The following EPHA2 variants were observed in gnomAD, a reference collection of about 807,000 sequenced individuals.
EPHA2 encodes ephrin type-A receptor 2.
EPHA2 carries 54 observed loss-of-function variants against 104.9 expected under a neutral mutation model. The observed-to-expected ratio is 0.51, with a 90% CI of 0.41 to 0.65. The LOEUF is 0.65. EPHA2 is among the 30% of genes least tolerant of loss of function. The pLI is 0.00. For missense variants in EPHA2, 1,117 were observed against 1,369.5 expected (o/e 0.82, Z 2.91); for synonymous variants, 560 against 559.1 (o/e 1.00, Z -0.02).
rs1310991165 is a variant in EPHA2 at position 16,134,433 on chromosome 1, G to A, written c.1682+35C>T. The A allele has an allele frequency of 6.2e-7, 1 of 1,607,070 alleles. No homozygotes were observed. Among genetic ancestry groups the A allele is most frequent in the Non-Finnish European group, 8.5e-7 (1 of 1,173,950 alleles). ...GTTCCTGCCCCATTTTCCCACCCAA[G>A]CCCATGTGGAGCCAGGGTATGGGCT... On this transcript the variant is annotated intron_variant, in intron 8 of 16. Transcript: ENST00000358432. The surrounding 1 kb of genome is among the most constrained non-coding windows in gnomAD (Gnocchi z 4.5).
chr1:16,134,287 C>T lies in EPHA2; in HGVS notation c.1682+181G>A, dbSNP rs2124210266. 6.6e-6 allele frequency among the ~76,000 whole-genome samples: 1 copy of T among 152,252 alleles called. No individual in the cohort carries two copies. On this transcript the variant is annotated intron_variant, in intron 8 of 16. Transcript: ENST00000358432. The surrounding 1 kb of genome is among the most constrained non-coding windows in gnomAD (Gnocchi z 4.5). ...GAGGTAATGACCCCCGTGTCCCGGC[C>T]CCGCCGCGTGCCAGGCACTTCGCTA...
At position 16,130,341 on chromosome 1, in the gene EPHA2, G is replaced by T; in HGVS notation, c.2554C>A (p.Gln852Lys). Reference protein sequence around the residue: ...CPSAIYQLMMQCWQQERARRP... With the variant: ...CPSAIYQLMMKCWQQERARRP... ...CGGGCACGCTCCTGCTGCCAGCACT[G>T]CATCATGAGCTGGTAGATGGCGGAG... The change falls in exon 15 of 17, where the codon CAG (glutamine) becomes AAG (lysine). Residue 852 changes from glutamine to lysine, a missense_variant. Coordinates refer to ENST00000358432, the MANE Select transcript of EPHA2 (RefSeq NM_004431.5). This position sits in a 1 kb window ranked among gnomAD's most constrained non-coding sequence, Gnocchi z 4.5. 1 of 1,591,846 alleles carries T rather than the reference G, an allele frequency of 6.3e-7. No individual in the cohort carries two copies. The highest frequency in any genetic ancestry group is 8.6e-7 in the Non-Finnish European group (1 of 1,163,934).
chr1:16,134,477 A>G lies in EPHA2; in HGVS notation c.1673T>C (p.Ile558Thr), dbSNP rs2124210978. 6.2e-7 allele frequency: 1 copy of G among 1,614,044 alleles called. No homozygotes were observed. Among genetic ancestry groups the G allele is most frequent in the Non-Finnish European group, 8.5e-7 (1 of 1,179,996 alleles). The change falls in exon 8 of 17, where the codon ATC becomes ACC. Residue 558 changes from isoleucine (I) to threonine (T), a missense_variant. By Grantham distance (89) the Ile-to-Thr change is moderately conservative (BLOSUM62 -1). Coordinates refer to ENST00000358432, the MANE Select transcript of EPHA2 (RefSeq NM_004431.5). The surrounding 1 kb of genome is among the most constrained non-coding windows in gnomAD (Gnocchi z 4.5). Reference sequence around the variant, plus strand: ...ATGGGCTCTGACGAACCTGCGGTGGATAAAGAAGCCAACTCCTGCCAGCAC... The same window carrying G: ...ATGGGCTCTGACGAACCTGCGGTGGGTAAAGAAGCCAACTCCTGCCAGCAC... ...LLVLAGVGFF[I>T]HRRRKNQRAR...
chr1:16,134,388 G>T lies in EPHA2; in HGVS notation c.1682+80C>A. ...CGACTAGCATCCTGTGGGCCCCATC[G>T]TTCAGATGAGGAAATGGAGGTTCCT... On this transcript the variant is annotated intron_variant, in intron 8 of 16. Coordinates refer to ENST00000358432, the MANE Select transcript of EPHA2 (RefSeq NM_004431.5). The surrounding 1 kb of genome is among the most constrained non-coding windows in gnomAD (Gnocchi z 4.5). 7.1e-7 allele frequency: 1 copy of T among 1,408,148 alleles called. No homozygotes were observed. Among genetic ancestry groups the T allele is most frequent in the Non-Finnish European group, 1.0e-6 (1 of 1,002,732 alleles). 87.2% of individuals were successfully genotyped at this position (1,408,148 alleles called of 1,614,324 possible). A position where few individuals can be genotyped will look rare whatever the true frequency, so the allele number is the denominator to read the frequency against.
chr1:16,129,360 C>CT (rs1478793925), intron 16 of EPHA2, 74 bp downstream of exon 16: 2 of 1,530,040 alleles, frequency 1.3e-6, no homozygotes, highest in African/African-American at 2.8e-5. Flanking sequence ...GGGAAGAGGG[C>CT]TGGGGGGGGC....
In EPHA2 at chr1:16,135,573, G is replaced by A. The variant is rs1050167283; in HGVS notation, c.1428+82C>T. ...GAAGGGTGCTTCTTCAGATGGCTGG[G>A]TGGTTTGGTGATCATCTATGTGACC... is the stretch of plus-strand genomic sequence containing the variant. On this transcript the variant is annotated intron_variant, in intron 6 of 16. Transcript: ENST00000358432. The surrounding 1 kb of genome is among the most constrained non-coding windows in gnomAD (Gnocchi z 4.3). The A allele has an allele frequency of 7.5e-7, 1 of 1,334,786 alleles. No homozygotes were observed. Among genetic ancestry groups the A allele is most frequent in the Non-Finnish European group, 1.1e-6 (1 of 926,836 alleles). 82.7% of individuals were successfully genotyped at this position (1,334,786 alleles called of 1,614,324 possible).
chr1:16,132,011 C>A, intron 13 of EPHA2, 53 bp downstream of exon 13: 4 of 1,613,164 alleles, frequency 2.5e-6, no homozygotes, highest in Non-Finnish European at 3.4e-6. Context: ...GGTGAGAGGA[C>A]ACCATGCAGG....
Position 16,125,388 on chromosome 1 carries a change from G to GGGGGGGGGGGGGGGGGGGGGGGGC in EPHA2, c.2826-69_2826-68insGCCCCCCCCCCCCCCCCCCCCCCC. On this transcript the variant is annotated intron_variant, in intron 16 of 16. Transcript: ENST00000358432. This position sits in a 1 kb window ranked among gnomAD's most constrained non-coding sequence, Gnocchi z 4.9. ...AGGGGAGGGGGCCGGGCTGGGTGGG[G>GGGGGGGGGGGGGGGGGGGGGGGGC]ACAGGACTCGGTGGGCGGCTGGGGA... 2.7e-6 allele frequency: 1 copy of GGGGGGGGGGGGGGGGGGGGGGGGC among 376,142 alleles called. No individual in the cohort carries two copies. Among genetic ancestry groups the GGGGGGGGGGGGGGGGGGGGGGGGC allele is most frequent in the East Asian group, 7.7e-5 (1 of 12,984 alleles). 23.3% of individuals were successfully genotyped at this position (376,142 alleles called of 1,614,324 possible).
rs1488487000 is a variant in EPHA2 at position 16,153,033 on chromosome 1, AG to A, written c.86-2071del. 3 of 743,282 alleles carry A rather than the reference AG, an allele frequency of 4.0e-6. No homozygotes were observed. The African/African-American group carries it at 5.7e-5, about 14-fold the overall frequency. 46.0% of individuals were successfully genotyped at this position (743,282 alleles called of 1,614,324 possible). A position where few individuals can be genotyped will look rare whatever the true frequency, so the allele number is the denominator to read the frequency against. ...TCTCTGGAAAGGGTGGGAGCCTGGGAGCCCCTCGGCTGACCCAGACGGCTTC... is the reference window on the plus strand; with the variant it reads ...TCTCTGGAAAGGGTGGGAGCCTGGGACCCCTCGGCTGACCCAGACGGCTTC... On this transcript the variant is annotated intron_variant, in intron 1 of 16. Coordinates refer to ENST00000358432, the MANE Select transcript of EPHA2 (RefSeq NM_004431.5).
chr1:16,129,645 C>G, intron 15 of EPHA2, 56 bp from the exon 16 acceptor site: 1 of 1,553,440 alleles, frequency 6.4e-7, no homozygotes, highest in East Asian at 2.3e-5. Context: ...ACCCTGGGCC[C>G]TGCACCTGCT....
In EPHA2 at chr1:16,148,476, T is replaced by C. The variant is rs568771755; in HGVS notation, c.725A>G (p.Glu242Gly). The change falls in exon 3 of 17, where the codon GAG becomes GGG. Residue 242 changes from glutamate (E) to glycine (G), a missense_variant. Around this residue, in one of 3 missense-constraint regions of EPHA2, gnomAD observed 664 missense variants for 784.8 expected, o/e 0.85. Coordinates refer to ENST00000358432, the MANE Select transcript of EPHA2 (RefSeq NM_004431.5). The surrounding 1 kb of genome is among the most constrained non-coding windows in gnomAD (Gnocchi z 4.9). The stretch of plus-strand genomic sequence containing the variant: ...ATCCACTGCACAGTGCATACGGGGC[T>C]CTTCACCCCCCGGTGGCACCACGGC... ...DHAVVPPGGE[E>G]PRMHCAVDGE... is the part of the protein sequence containing the mutation. 3 of 1,613,756 alleles carry C rather than the reference T, an allele frequency of 1.9e-6. No individual in the cohort carries two copies. In the African/African-American group the frequency reaches 4.0e-5, roughly 22 times the overall value.
At chr1:16,146,567 T>G (rs1239555714) in intron 3 of EPHA2, 1 of 152,342 alleles carries the variant, frequency 6.6e-6, no homozygotes, top group Admixed American at 6.5e-5. Flanking sequence ...ACTGAGAGTA[T>G]GCATTCGAGG....
In EPHA2 at chr1:16,130,476, A is replaced by C. The variant is rs777239011; in HGVS notation, c.2476-57T>G. ...GCAGAAAGCCACTGAAACCCTCTGC[A>C]GCCTCCAGCCTATGGAGGTGGGCAG... is the stretch of plus-strand genomic sequence containing the variant. On this transcript the variant is annotated intron_variant, in intron 14 of 16. Transcript: ENST00000358432. The surrounding 1 kb of genome is among the most constrained non-coding windows in gnomAD (Gnocchi z 4.5). 2.3e-4 allele frequency: 345 copies of C among 1,492,584 alleles called. No individual in the cohort carries two copies. Among genetic ancestry groups the C allele is most frequent in the Middle Eastern group, 1.5e-3 (6 of 4,002 alleles). The allele number at this position is 1,492,584 out of a possible 1,614,324, so 92.5% of individuals were successfully genotyped here.
At position 16,135,155 on chromosome 1, in the gene EPHA2, T is replaced by C. The variant is rs760824597; in HGVS notation, c.1463A>G (p.Glu488Gly). 6.2e-7 allele frequency: 1 copy of C among 1,613,918 alleles called. No individual in the cohort carries two copies. Among genetic ancestry groups the C allele is most frequent in the South Asian group, 1.1e-5 (1 of 91,080 alleles). The change falls in exon 7 of 17, where the codon GAG (glutamate) becomes GGG (glycine). Residue 488 changes from glutamate (E) to glycine (G), a missense_variant. Around this residue, in one of 3 missense-constraint regions of EPHA2, gnomAD observed 664 missense variants for 784.8 expected, o/e 0.85. Transcript: ENST00000358432. The surrounding 1 kb of genome is among the most constrained non-coding windows in gnomAD (Gnocchi z 4.3). The stretch of plus-strand genomic sequence containing the variant: ...GTCGTCCAGGGTCACGGAGAAACCC[T>C]CGGTGCGGCGCACATTGTAGCTGTT... ...DSNSYNVRRT[E>G]GFSVTLDDLA...
intron 3 of EPHA2, among the ~76,000 whole-genome samples, chr1:16,143,774 G>A (rs1268863689): frequency 6.6e-6 from 1 of 152,164 alleles, no homozygotes; most frequent in East Asian, 1.9e-4. Context: ...AACCACCTTG[G>A]CCCAGGGATG....
In EPHA2 at chr1:16,137,779, C is replaced by A. The variant is rs373465468; in HGVS notation, c.1312+74G>T. 5.5e-5 allele frequency: 86 copies of A among 1,569,190 alleles called. No individual in the cohort carries two copies. In the South Asian group the frequency reaches 8.9e-4, roughly 16 times the overall value. On this transcript the variant is annotated intron_variant, in intron 5 of 16. Transcript: ENST00000358432. ...CTGCCTCTCTCTAAACACACCCGAG[C>A]CCCAGATGGCCGTCCTCCTTAAGCC...
Position 16,129,364 on chromosome 1 carries a change from G to C in EPHA2, c.2825+70C>G, listed in dbSNP as rs115050365. On this transcript the variant is annotated intron_variant, in intron 16 of 16. Coordinates refer to ENST00000358432, the MANE Select transcript of EPHA2 (RefSeq NM_004431.5). ...ATTGAGGGGCAGGGAAGAGGGCTGG[G>C]GGGGGCATGGAGGCAGCCTCTGGAG... The C allele has an allele frequency of 1.4e-4, 211 of 1,557,970 alleles. No individual in the cohort carries two copies. The Admixed American group carries it at 2.8e-3, about 21-fold the overall frequency.
In EPHA2 at chr1:16,135,675, C is replaced by T. The variant is rs745943908; in HGVS notation, c.1408G>A (p.Glu470Lys). ...PPQQSRVWKY[E>K]VTYRKKGDSN... ...GTTACCTTCTTGCGGTAAGTGACCT[C>T]GTACTTCCACACTCGGCTCTGCTGC... is the stretch of plus-strand genomic sequence containing the variant. Residue 470 changes from glutamate (E) to lysine (K), a missense_variant, in exon 6 of 17, where the codon GAG becomes AAG. Physicochemically the swap from Glu to Lys is moderately conservative, Grantham distance 56. Transcript: ENST00000358432. This position sits in a 1 kb window ranked among gnomAD's most constrained non-coding sequence, Gnocchi z 4.3. 4.3e-6 allele frequency: 7 copies of T among 1,613,854 alleles called. No homozygotes were observed. The South Asian group carries it at 4.4e-5, about 10-fold the overall frequency.
chr1:16,134,698 T>G lies in EPHA2; in HGVS notation c.1583-131A>C. On this transcript the variant is annotated intron_variant, in intron 7 of 16. Transcript: ENST00000358432. This position sits in a 1 kb window ranked among gnomAD's most constrained non-coding sequence, Gnocchi z 4.5. ...CACTTGGGAAGGCTCCAGAGGGTAC[T>G]TAGTCCCATTTCATAGACGGTCAAG... The G allele has an allele frequency of 1.0e-6, 1 of 985,690 alleles. No homozygotes were observed. Among genetic ancestry groups the G allele is most frequent in the Non-Finnish European group, 1.6e-6 (1 of 633,912 alleles). 61.1% of individuals were successfully genotyped at this position (985,690 alleles called of 1,614,324 possible).
Sources: allele counts gnomAD v4.1 joint callset (sites outside exome capture counted in the v4.1 genomes callset), GRCh38; gene constraint gnomAD v4.1.1; regional missense constraint gnomAD v4.1.1; non-coding constraint Gnocchi (gnomAD v3.1); transcripts MANE v1.5; gene names NCBI Gene and HGNC (gene_info 2026-07-23, HGNC 2026-07-21).